Variants in FOXA2 observed in about 807,000 individuals in gnomAD.
FOXA2 encodes the protein hepatocyte nuclear factor 3-beta.
In FOXA2, 9 loss-of-function variants were observed where a neutral mutation model predicts 33.3. The ratio of observed to expected loss-of-function variants is 0.27; its 90% CI spans 0.16 to 0.47. The LOEUF (loss-of-function observed/expected upper bound fraction) is 0.47, where lower values mean the gene tolerates loss of function less well. FOXA2 is among the 20% of genes least tolerant of loss of function. The pLI, the probability that FOXA2 is intolerant of heterozygous loss-of-function variation, is 0.99. For synonymous variants in FOXA2, 329 were observed against 289.4 expected (o/e 1.14, Z -1.39); for missense variants, 704 against 659.9 (o/e 1.07, Z -0.73).
Position 22,584,361 on chromosome 20 carries a change from A to T in FOXA2, c.-83T>A, listed in dbSNP as rs970426556. The T allele has an allele frequency of 8.7e-7, 1 of 1,152,284 alleles. No homozygotes were observed. The highest frequency in any genetic ancestry group is 2.0e-5 in the Admixed American group (1 of 51,162). 71.4% of individuals were successfully genotyped at this position (1,152,284 alleles called of 1,614,324 possible). On this transcript the variant is annotated 5_prime_UTR_variant, in exon 1 of 2. Transcript: ENST00000419308. ...CCTCTTTTAAAAAAAAGTCAGCCAA[A>T]GCACCGTCCCCTCCTCCCTCCCTCT...
At chr20:22,584,892 C>T (rs936054019), upstream of FOXA2, among the ~76,000 whole-genome samples, 1 of 152,054 alleles carries the variant, frequency 6.6e-6, no homozygotes, top group African/African-American at 2.4e-5. Context: ...CAGCGCCTGC[C>T]GTCCGCCCCA....
Position 22,583,050 on chromosome 20 carries a change from C to T in FOXA2, c.192G>A (p.Met64Ile), listed in dbSNP as rs1441964811. The stretch of plus-strand genomic sequence containing the variant: ...ACGACATGTTCATGGAGCCCGCGCT[C>T]ATGTTGCCCGAGCCGCTGCCCATGG... The part of the protein sequence containing the change: ...AAAMGSGSGN[M>I]SAGSMNMSSY... The change falls in exon 2 of 2, where the codon ATG (methionine) becomes ATA (isoleucine). Residue 64 changes from methionine (M) to isoleucine (I), a missense_variant. By Grantham distance (10) the Met-to-Ile change is conservative. This residue lies in a region of FOXA2 where 304 missense variants were observed against 251.7 expected (regional missense o/e 1.21). Coordinates refer to ENST00000419308, the MANE Select transcript of FOXA2 (RefSeq NM_021784.5). 1.9e-6 allele frequency: 3 copies of T among 1,610,014 alleles called. No individual in the cohort carries two copies. Among genetic ancestry groups the T allele is most frequent in the Non-Finnish European group, 2.5e-6 (3 of 1,179,830 alleles).
At chr20:22,583,231 C>T in intron 1 of FOXA2, 77 bp from the exon 2 acceptor site, 1 of 1,531,854 alleles carries the variant, frequency 6.5e-7, no homozygotes, top group Non-Finnish European at 8.9e-7. Flanking sequence ...CCACCCACCG[C>T]CCAGGCCTCC....
upstream of FOXA2, among the ~76,000 whole-genome samples, chr20:22,585,064 G>A (rs928939937): frequency 1.3e-5 from 2 of 152,110 alleles, no homozygotes; most frequent in African/African-American, 4.8e-5. Context: ...GGCGGCTCCG[G>A]CCTCCAGCCC....
chr20:22,585,376 G>C (rs41279040), upstream of FOXA2: 1 of 152,268 alleles, frequency 6.6e-6, no homozygotes, highest in East Asian at 1.9e-4. Context: ...TGGCCGCCTC[G>C]GCTCTCCGAC....
At position 22,582,949 on chromosome 20, in the gene FOXA2, C is replaced by A; in HGVS notation, c.293G>T (p.Gly98Val). ...CGCCACGCCGGCCGCCCCGGCCGAG[C>A]CGCCCATGCCCGCCATGGCGCCCGC... ...PGAGAMAGMG[G>V]SAGAAGVAGM... The change falls in exon 2 of 2, where the codon GGC becomes GTC. Residue 98 changes from glycine to valine, a missense_variant. Physicochemically the swap from Gly to Val is moderately radical, Grantham distance 109. Coordinates refer to ENST00000419308, the MANE Select transcript of FOXA2 (RefSeq NM_021784.5). The A allele has an allele frequency of 6.3e-7, 1 of 1,575,924 alleles. No individual in the cohort carries two copies. Among genetic ancestry groups the A allele is most frequent in the Non-Finnish European group, 8.6e-7 (1 of 1,166,432 alleles).
rs777713858 is a variant in FOXA2, at chr20:22,582,156, C to A, written c.1086G>T (p.Pro362=). The part of the protein sequence containing the change: ...AAHLLGPPHH[P]GLPPEAHLKP... ...TCAGGTGGGCCTCAGGCGGCAGGCCCGGGTGGTGGGGCGGGCCCAGCAGGT... is the reference window on the plus strand; with the variant it reads ...TCAGGTGGGCCTCAGGCGGCAGGCCAGGGTGGTGGGGCGGGCCCAGCAGGT... The change falls in exon 2 of 2, where the codon CCG becomes CCT. Residue 362 remains proline, a synonymous_variant. Coordinates refer to ENST00000419308, the MANE Select transcript of FOXA2 (RefSeq NM_021784.5). 7.7e-6 allele frequency: 12 copies of A among 1,565,648 alleles called. No homozygotes were observed. Among genetic ancestry groups the A allele is most frequent in the Non-Finnish European group, 1.0e-5 (12 of 1,154,580 alleles).
Position 22,582,032 on chromosome 20 carries a change from G to T in FOXA2, c.1210C>A (p.His404Asn). The T allele has an allele frequency of 1.2e-6, 2 of 1,614,192 alleles. No homozygotes were observed. Among genetic ancestry groups the T allele is most frequent in the Non-Finnish European group, 1.7e-6 (2 of 1,180,030 alleles). ...HHHSHHHHQP[H>N]KMDLKAYEQV... ...TCGTAGGCCTTGAGGTCCATTTTGT[G>T]GGGTTGGTGGTGGTGGTGGCTGTGG... The change falls in exon 2 of 2, where the codon CAC becomes AAC. Residue 404 changes from histidine to asparagine, a missense_variant. This residue lies in a region of FOXA2 where 343 missense variants were observed against 274.8 expected (regional missense o/e 1.25). Coordinates refer to ENST00000419308, the MANE Select transcript of FOXA2 (RefSeq NM_021784.5).
At position 22,583,045 on chromosome 20, in the gene FOXA2, G is replaced by A. The variant is rs745785942; in HGVS notation, c.197C>T (p.Ala66Val). The A allele has an allele frequency of 3.1e-6, 5 of 1,609,934 alleles. No individual in the cohort carries two copies. The South Asian group carries it at 5.5e-5, about 18-fold the overall frequency. Residue 66 changes from alanine to valine, a missense_variant, in exon 2 of 2, where the codon GCG (alanine) becomes GTG (valine). By Grantham distance (64) the Ala-to-Val change is moderately conservative (BLOSUM62 0). Around this residue, in one of 5 missense-constraint regions of FOXA2, gnomAD observed 304 missense variants for 251.7 expected, o/e 1.21. Transcript: ENST00000419308. The stretch of plus-strand genomic sequence containing the variant: ...GTACGACGACATGTTCATGGAGCCC[G>A]CGCTCATGTTGCCCGAGCCGCTGCC... ...AMGSGSGNMS[A>V]GSMNMSSYVG...
chr20:22,583,338 C>T (rs1194357270), intron 1 of FOXA2, among the ~76,000 whole-genome samples, 184 bp from the exon 2 acceptor site: 1 of 152,210 alleles, frequency 6.6e-6, no homozygotes, highest in East Asian at 1.9e-4. Context: ...GATCGATCGC[C>T]CTTGGGAAGG....
In FOXA2 at chr20:22,582,343, G is replaced by C. The variant is rs1338793969; in HGVS notation, c.899C>G (p.Ala300Gly). 1.0e-5 allele frequency: 15 copies of C among 1,480,034 alleles called. No homozygotes were observed. Among genetic ancestry groups the C allele is most frequent in the Non-Finnish European group, 1.3e-5 (15 of 1,124,278 alleles). The allele number at this position is 1,480,034 out of a possible 1,614,324, so 91.7% of individuals were successfully genotyped here. Residue 300 changes from alanine to glycine, a missense_variant, in exon 2 of 2, where the codon GCC becomes GGC. Coordinates refer to ENST00000419308, the MANE Select transcript of FOXA2 (RefSeq NM_021784.5). ...QAQLGEAAGP[A>G]SETPAGTESP... ...CTCGGTGCCCGCCGGAGTCTCGGAG[G>C]CCGGCCCGGCGGCCTCCCCGAGTTG...
At chr20:22,584,119 G>C (rs1984684108) in intron 1 of FOXA2, 73 bp downstream of exon 1, 1 of 1,460,586 alleles carries the variant, frequency 6.8e-7, no homozygotes, top group Admixed American at 1.7e-5. Flanking sequence ...TGCCAGCGAG[G>C]GAAGCGGTCC....
At position 22,582,888 on chromosome 20, in the gene FOXA2, C is replaced by A. The variant is rs542480721; in HGVS notation, c.354G>T (p.Pro118=). 6.0e-5 allele frequency: 95 copies of A among 1,570,432 alleles called. No individual in the cohort carries two copies. Among genetic ancestry groups the A allele is most frequent in the South Asian group, 1.9e-4 (16 of 84,328 alleles). ...MGPHLSPSLS[P]LGGQAAGAMG... ...TGGCCCCGGCCGCCTGCCCCCCGAGCGGGCTCAGGCTGGGACTCAAGTGCG... is the reference window on the plus strand; with the variant it reads ...TGGCCCCGGCCGCCTGCCCCCCGAGAGGGCTCAGGCTGGGACTCAAGTGCG... Residue 118 remains proline, a synonymous_variant, in exon 2 of 2, where the codon CCG becomes CCT. Coordinates refer to ENST00000419308, the MANE Select transcript of FOXA2 (RefSeq NM_021784.5).
intron 1 of FOXA2, among the ~76,000 whole-genome samples, chr20:22,583,552 A>T (rs375662176): frequency 1.9e-3 from 292 of 152,320 alleles, no homozygotes; most frequent in African/African-American, 6.4e-3. Context: ...CTCCGGTCGC[A>T]GCAAGCAACC....
chr20:22,582,287 C>G lies in FOXA2; in HGVS notation c.955G>C (p.Glu319Gln). The G allele has an allele frequency of 6.8e-7, 1 of 1,470,136 alleles. No individual in the cohort carries two copies. The highest frequency in any genetic ancestry group is 1.5e-5 in the African/African-American group (1 of 68,500). The allele number at this position is 1,470,136 out of a possible 1,614,324, so 91.1% of individuals were successfully genotyped here. A position where few individuals can be genotyped will look rare whatever the true frequency, so the allele number is the denominator to read the frequency against. ...SPHSSASPCQEHKRGGLGELK... is the reference protein window; with the variant it reads ...SPHSSASPCQQHKRGGLGELK... The stretch of plus-strand genomic sequence containing the variant: ...TCTCCCAGGCCCCCTCGCTTGTGCT[C>G]CTGGCACGGGGAGGCGCTCGAGTGA... Residue 319 changes from glutamate to glutamine, a missense_variant, in exon 2 of 2, where the codon GAG becomes CAG. Coordinates refer to ENST00000419308, the MANE Select transcript of FOXA2 (RefSeq NM_021784.5).
Position 22,582,494 on chromosome 20 carries a change from C to G in FOXA2, c.748G>C (p.Glu250Gln). The stretch of plus-strand genomic sequence containing the variant: ...TGGCGGCGCAGGTAGCAGCCGTTCT[C>G]GAACATGTTGCCCGAGTCAGGGTGC... The part of the protein sequence containing the change: ...TLHPDSGNMF[E>Q]NGCYLRRQKR... Residue 250 changes from glutamate to glutamine, a missense_variant, in exon 2 of 2, where the codon GAG becomes CAG. Coordinates refer to ENST00000419308, the MANE Select transcript of FOXA2 (RefSeq NM_021784.5). 1.2e-6 allele frequency: 2 copies of G among 1,614,066 alleles called. No individual in the cohort carries two copies. Among genetic ancestry groups the G allele is most frequent in the Admixed American group, 1.7e-5 (1 of 60,020 alleles).
At position 22,584,511 on chromosome 20, in the gene FOXA2, G is replaced by A. The variant is rs1051491426; in HGVS notation, c.-233C>T. 2.3e-5 allele frequency: 12 copies of A among 531,324 alleles called. No individual in the cohort carries two copies. The highest frequency in any genetic ancestry group is 1.3e-4 in the South Asian group (6 of 44,718). 32.9% of individuals were successfully genotyped at this position (531,324 alleles called of 1,614,324 possible). ...GAGGAGGCCCAGGCCAGCGCCCCGC[G>A]GTAGGGAGCACCCGCCGCCGCCGCG... On this transcript the variant is annotated 5_prime_UTR_variant, in exon 1 of 2. Transcript: ENST00000419308.
rs965871393 is a variant in FOXA2 at position 22,582,094 on chromosome 20, G to A, written c.1148C>T (p.Ser383Phe). ...EHHYAFNHPF[S>F]INNLMSSEQQ... ...CTCCGAGGACATGAGGTTGTTGATG[G>A]AGAACGGGTGGTTGAAGGCGTAGTG... The change falls in exon 2 of 2, where the codon TCC becomes TTC. Residue 383 changes from serine to phenylalanine, a missense_variant. Ser to Phe is a radical substitution (Grantham distance 155). Coordinates refer to ENST00000419308, the MANE Select transcript of FOXA2 (RefSeq NM_021784.5). 1.2e-6 allele frequency: 2 copies of A among 1,612,386 alleles called. No homozygotes were observed. The highest frequency in any genetic ancestry group is 1.7e-6 in the Non-Finnish European group (2 of 1,179,152).
intron 1 of FOXA2, among the ~76,000 whole-genome samples, chr20:22,583,781 T>C (rs1984671558): frequency 6.6e-6 from 1 of 152,082 alleles, no homozygotes; most frequent in Non-Finnish European, 1.5e-5. Context: ...GCAAAAACTT[T>C]CTTTCTCTTT....
Sources: allele counts gnomAD v4.1 joint callset (sites outside exome capture counted in the v4.1 genomes callset), GRCh38; gene constraint gnomAD v4.1.1; regional missense constraint gnomAD v4.1.1; transcripts MANE v1.5; gene names NCBI Gene and HGNC (gene_info 2026-07-23, HGNC 2026-07-21).